FAT1: variants seen among roughly 807,000 people sequenced by gnomAD.
FAT1 encodes FAT atypical cadherin 1, also known as protocadherin Fat 1.
A neutral mutation model predicts 329.8 loss-of-function variants in FAT1; 171 were observed. The observed-to-expected ratio is 0.52, with a 90% CI of 0.46 to 0.59. The LOEUF is 0.59. FAT1 is among the 20% of genes least tolerant of loss of function. FAT1 has a pLI of 0.00. For synonymous variants in FAT1, 2,233 were observed against 2,228.6 expected (o/e 1.00, Z -0.06); for missense variants, 5,672 against 5,774.4 (o/e 0.98, Z 0.57).
rs773454278 is a variant in FAT1, at chr4:186,663,454, G to A, written c.3425C>T (p.Pro1142Leu). 1 of 1,614,000 alleles carries A rather than the reference G, an allele frequency of 6.2e-7. No individual in the cohort carries two copies. Among genetic ancestry groups the A allele is most frequent in the Non-Finnish European group, 8.5e-7 (1 of 1,179,886 alleles). The change falls in exon 3 of 27, where the codon CCT becomes CTT. Residue 1142 changes from proline to leucine, a missense_variant. Coordinates refer to ENST00000441802, the MANE Select transcript of FAT1 (RefSeq NM_005245.4). The part of the protein sequence containing the change: ...VNDNAPQTSE[P>L]VYYPEIMENS... Reference sequence around the variant, plus strand: ...TTCCATGATTTCTGGGTAATAAACAGGCTCTGATGTCTGTGGTGCATTGTC... The same window carrying A: ...TTCCATGATTTCTGGGTAATAAACAAGCTCTGATGTCTGTGGTGCATTGTC...
At chr4:186,725,252 C>G (rs1745678408), upstream of FAT1, among the ~76,000 whole-genome samples, 1 of 152,098 alleles carries the variant, frequency 6.6e-6, no homozygotes, top group Non-Finnish European at 1.5e-5. This position sits in a 1 kb window ranked among gnomAD's most constrained non-coding sequence, Gnocchi z 5.4. Context: ...CGGCTTGTGC[C>G]GCTTGCCGAA....
intron 9 of FAT1, among the ~76,000 whole-genome samples, chr4:186,622,412 G>A (rs775509378): frequency 6.6e-6 from 1 of 152,142 alleles, no homozygotes; most frequent in African/African-American, 2.4e-5. Flanking sequence ...AATGCCTGCA[G>A]ACATTTTTGG....
intron 2 of FAT1, among the ~76,000 whole-genome samples, chr4:186,665,803 T>C (rs1000169346): frequency 1.3e-5 from 2 of 151,982 alleles, no homozygotes; most frequent in Non-Finnish European, 2.9e-5. Flanking sequence ...CCATCAGTGA[T>C]AGACCGGATT....
rs756396613 is a variant in FAT1, at chr4:186,619,482, G to A, written c.7104C>T (p.Pro2368=). ...TGACAATCACATCACTGCTCAGCGTGGGCATACCACCATCAACTGCCCTCA... is the reference window on the plus strand; with the variant it reads ...TGACAATCACATCACTGCTCAGCGTAGGCATACCACCATCAACTGCCCTCA... ...IFVRAVDGGM[P]TLSSDVIVTV... is the part of the protein sequence containing the mutation. The change falls in exon 10 of 27, where the codon CCC becomes CCT. Residue 2368 remains proline, a synonymous_variant. Transcript: ENST00000441802. 2 of 1,613,928 alleles carry A rather than the reference G, an allele frequency of 1.2e-6. No homozygotes were observed. The highest frequency in any genetic ancestry group is 1.7e-5 in the Admixed American group (1 of 60,020).
At chr4:186,664,186 C>T (rs1328435586) in intron 2 of FAT1, among the ~76,000 whole-genome samples, 8 of 152,176 alleles carry the variant, frequency 5.3e-5, no homozygotes, top group Admixed American at 5.2e-4. Flanking sequence ...TCTGCACACA[C>T]ACCCCTTCTC....
chr4:186,664,703 A>G (rs543053534), intron 2 of FAT1, among the ~76,000 whole-genome samples: 3 of 152,284 alleles, frequency 2.0e-5, no homozygotes, highest in East Asian at 1.9e-4. Context: ...CAATGGTGCA[A>G]TCTCGCCCTT....
At chr4:186,697,952 G>T (rs920629182) in intron 2 of FAT1, among the ~76,000 whole-genome samples, 4 of 152,164 alleles carry the variant, frequency 2.6e-5, no homozygotes, top group African/African-American at 9.7e-5. Context: ...TCTCTCTGAA[G>T]AAAGAATATA....
chr4:186,609,425 T>G, intron 15 of FAT1, 105 bp from the exon 16 acceptor site: 1 of 1,172,992 alleles, frequency 8.5e-7, no homozygotes, highest in Non-Finnish European at 1.1e-6. Flanking sequence ...TTTGTTGTTG[T>G]TTTTTTTTTG....
intron 14 of FAT1, among the ~76,000 whole-genome samples, chr4:186,610,833 A>G (rs1739412847): frequency 6.6e-6 from 1 of 151,410 alleles, no homozygotes; most frequent in Non-Finnish European, 1.5e-5. Flanking sequence ...AAGATGATGA[A>G]GCATTCACGC....
rs575409082 is a variant in FAT1 at position 186,632,755 on chromosome 4, A to C, written c.4323+929T>G. 2.0e-5 allele frequency among the ~76,000 whole-genome samples: 3 copies of C among 152,372 alleles called. No individual in the cohort carries two copies. The South Asian group carries it at 6.2e-4, about 32-fold the overall frequency. On this transcript the variant is annotated intron_variant, in intron 7 of 26. Transcript: ENST00000441802. ...TTTTATCTTTTAATGCAGCTAAATGAGTTAGCAGATGATCTGTCTTGCTTA... is the reference window on the plus strand; with the variant it reads ...TTTTATCTTTTAATGCAGCTAAATGCGTTAGCAGATGATCTGTCTTGCTTA...
intron 2 of FAT1, among the ~76,000 whole-genome samples, chr4:186,684,746 T>C (rs867751603): frequency 6.6e-6 from 1 of 151,994 alleles, no homozygotes; most frequent in African/African-American, 2.4e-5. Context: ...AGACACGTAA[T>C]ACAAACAGGG....
rs2126440053 is a variant in FAT1, at chr4:186,604,547, G to A, written c.10378C>T (p.Leu3460=). The part of the protein sequence containing the change: ...QENKPVGFSV[L]QLVVTDEDSS... ...TCCTCATCTGTTACTACCAGCTGCA[G>A]CACGCTGAAGCCCACTGGCTTATTT... Residue 3460 remains leucine (L), a synonymous_variant, in exon 18 of 27, where the codon CTG becomes TTG. Coordinates refer to ENST00000441802, the MANE Select transcript of FAT1 (RefSeq NM_005245.4). 6.2e-7 allele frequency: 1 copy of A among 1,610,920 alleles called. No individual in the cohort carries two copies. Among genetic ancestry groups the A allele is most frequent in the Non-Finnish European group, 8.5e-7 (1 of 1,178,826 alleles).
chr4:186,691,358 A>G (rs566681544), intron 2 of FAT1, among the ~76,000 whole-genome samples: 1 of 152,342 alleles, frequency 6.6e-6, no homozygotes, highest in East Asian at 1.9e-4. Context: ...ATGATCTTCT[A>G]TATACTATAT....
chr4:186,629,994 A>G (rs1740513922), intron 7 of FAT1, among the ~76,000 whole-genome samples: 1 of 152,242 alleles, frequency 6.6e-6, no homozygotes, highest in South Asian at 2.1e-4. Context: ...TACTGAGCAG[A>G]GAAGTTTAAT....
intron 9 of FAT1, among the ~76,000 whole-genome samples, chr4:186,624,234 T>C (rs773818067): frequency 6.8e-6 from 1 of 147,622 alleles, no homozygotes; most frequent in Non-Finnish European, 1.5e-5. Flanking sequence ...TTTAAATTGT[T>C]CCCTGTATGG....
intron 11 of FAT1, 78 bp from the exon 12 acceptor site, chr4:186,614,422 A>T: frequency 1.0e-6 from 1 of 986,710 alleles, no homozygotes; most frequent in Non-Finnish European, 1.4e-6. Flanking sequence ...ATGGAAAAGA[A>T]ATCATTCATC....
At chr4:186,601,110 C>A (rs1738793805) in intron 21 of FAT1, among the ~76,000 whole-genome samples, 159 bp downstream of exon 21, 2 of 152,222 alleles carry the variant, frequency 1.3e-5, no homozygotes, top group South Asian at 4.1e-4. Flanking sequence ...CTTCATCCCA[C>A]AAAGTCTAAA....
intron 2 of FAT1, among the ~76,000 whole-genome samples, chr4:186,680,209 T>TA (rs1461458957): frequency 6.6e-6 from 1 of 152,130 alleles, no homozygotes; most frequent in Non-Finnish European, 1.5e-5. Flanking sequence ...TTATTGTCCT[T>TA]AAAAAAGAAA....
At chr4:186,590,925 T>C (rs1307628861) in intron 26 of FAT1, among the ~76,000 whole-genome samples, 1 of 152,224 alleles carries the variant, frequency 6.6e-6, no homozygotes, top group Non-Finnish European at 1.5e-5. Context: ...CCAAACTGTA[T>C]GTATTTTGAA....
Sources: gnomAD v4.1 joint callset for allele counts (sites outside exome capture counted in the v4.1 genomes callset) on GRCh38, gnomAD v4.1.1 for gene constraint, Gnocchi (gnomAD v3.1) non-coding constraint, MANE v1.5 for transcripts, NCBI Gene and HGNC (gene_info 2026-07-23, HGNC 2026-07-21) for gene names.